CLDN10: variants seen among roughly 807,000 people sequenced by gnomAD.
CLDN10 encodes claudin-10.
Under a neutral mutation model 22.9 loss-of-function variants are expected in CLDN10, and 15 were observed. That is an observed-to-expected ratio of 0.65 (90% CI 0.44 to 1.01). The LOEUF (loss-of-function observed/expected upper bound fraction) is 1.01. CLDN10 is among the 50% of genes least tolerant of loss of function. CLDN10 has a pLI of 0.00. For missense variants in CLDN10, 247 were observed against 287.8 expected (o/e 0.86, Z 1.03); for synonymous variants, 114 against 111.4 (o/e 1.02, Z -0.15).
chr13:95,511,442 A>G (rs1006099485), intron 1 of CLDN10, among the ~76,000 whole-genome samples: 26 of 152,208 alleles, frequency 1.7e-4, no homozygotes, highest in African/African-American at 6.3e-4. Context: ...TAACAGAACA[A>G]GTGTTGAGAA....
intron 1 of CLDN10, among the ~76,000 whole-genome samples, chr13:95,520,564 G>A (rs1401779584): frequency 6.6e-6 from 1 of 152,092 alleles, no homozygotes; most frequent in African/African-American, 2.4e-5. Flanking sequence ...TTAGAGATGG[G>A]ATTTCACCAT....
At chr13:95,565,157 C>G (rs1392286977) in intron 3 of CLDN10, among the ~76,000 whole-genome samples, 2 of 151,706 alleles carry the variant, frequency 1.3e-5, no homozygotes, top group Non-Finnish European at 2.9e-5. Flanking sequence ...CTGCAAGCTT[C>G]TAGTAATGGG....
At chr13:95,465,692 T>C (rs1256550610) in intron 1 of CLDN10, among the ~76,000 whole-genome samples, 3 of 152,220 alleles carry the variant, frequency 2.0e-5, no homozygotes, top group Admixed American at 6.5e-5. Context: ...CATGCTGGCA[T>C]TGTTTATGAT....
At chr13:95,441,095 G>T (rs1377099463) in intron 1 of CLDN10, among the ~76,000 whole-genome samples, 2 of 152,210 alleles carry the variant, frequency 1.3e-5, no homozygotes, top group East Asian at 1.9e-4. Context: ...CAACGAAGTT[G>T]TGTGGATTGA....
intron 1 of CLDN10, among the ~76,000 whole-genome samples, chr13:95,544,845 C>T (rs992070032): frequency 1.3e-5 from 2 of 151,756 alleles, no homozygotes; most frequent in African/African-American, 4.8e-5. Flanking sequence ...GGTGCGATCT[C>T]AGCTCACTGC....
intron 1 of CLDN10, among the ~76,000 whole-genome samples, chr13:95,462,278 A>G (rs1315301646): frequency 1.3e-5 from 2 of 152,204 alleles, no homozygotes; most frequent in African/African-American, 4.8e-5. Flanking sequence ...TTATGATTTT[A>G]CCTTTTTAAA....
In CLDN10 at chr13:95,471,440, C is replaced by CACACATATATATATATAT. The variant is rs746573300; in HGVS notation, c.214+37394_214+37395insCACATATATATATATATA. ...ATATACACACACACACACACACACA[C>CACACATATATATATATAT]ATATATATATATATTTTTTTTTTTT... On this transcript the variant is annotated intron_variant, in intron 1 of 4. Transcript: ENST00000376873. Among the ~76,000 whole-genome samples, 421 of 104,198 alleles carry CACACATATATATATATAT rather than the reference C, an allele frequency of 4.0e-3. 3 individuals are homozygous for CACACATATATATATATAT. The highest frequency in any genetic ancestry group is 0.019 in the Middle Eastern group (3 of 162). 68.4% of individuals were successfully genotyped at this position (104,198 alleles called of 152,430 possible). A position where few individuals can be genotyped will look rare whatever the true frequency, so the allele number is the denominator to read the frequency against.
At chr13:95,468,899 T>C (rs1328731116) in intron 1 of CLDN10, among the ~76,000 whole-genome samples, 1 of 152,202 alleles carries the variant, frequency 6.6e-6, no homozygotes, top group Non-Finnish European at 1.5e-5. Flanking sequence ...TAGAAGGTTT[T>C]TATTTAACTT....
intron 3 of CLDN10, among the ~76,000 whole-genome samples, chr13:95,565,129 T>TA (rs2043767507): frequency 2.2e-5 from 3 of 133,656 alleles, no homozygotes; most frequent in East Asian, 4.5e-4. Flanking sequence ...CTAACAAATC[T>TA]GAAAAAAAAA....
rs536496035 is a variant in CLDN10, at chr13:95,489,634, T to C, written c.214+55587T>C. Among the ~76,000 whole-genome samples, 233 of 152,288 alleles carry C rather than the reference T, an allele frequency of 1.5e-3. 1 individual carries two copies. The highest frequency in any genetic ancestry group is 1.6e-3 in the Non-Finnish European group (110 of 68,016). ...GGATATTAGTCCTTTGTCAGATGTA[T>C]AGATTGTGAACATTTTCTCCCACTC... is the stretch of plus-strand genomic sequence containing the variant. On this transcript the variant is annotated intron_variant, in intron 1 of 4. Transcript: ENST00000376873.
intron 1 of CLDN10, among the ~76,000 whole-genome samples, chr13:95,501,723 A>T (rs1045676594): frequency 2.0e-5 from 3 of 152,240 alleles, no homozygotes; most frequent in East Asian, 1.9e-4. Flanking sequence ...TTTATCTTTT[A>T]AAAAAATCTA....
intron 1 of CLDN10, among the ~76,000 whole-genome samples, chr13:95,545,491 C>A (rs1463568339): frequency 6.6e-6 from 1 of 152,044 alleles, no homozygotes; most frequent in African/African-American, 2.4e-5. Context: ...GAGCCGAGAT[C>A]GCGCCTTTGC....
chr13:95,451,834 G>C (rs1046734511), intron 1 of CLDN10, among the ~76,000 whole-genome samples: 6 of 152,178 alleles, frequency 3.9e-5, no homozygotes, highest in African/African-American at 1.4e-4. Flanking sequence ...ACAGGGCATG[G>C]AGACTTTCCA....
At position 95,578,588 on chromosome 13, in the gene CLDN10, A is replaced by G. The variant is rs527815368; in HGVS notation, c.*574A>G. The G allele has an allele frequency of 1.6e-4, 25 of 152,404 alleles. No homozygotes were observed. The highest frequency in any genetic ancestry group is 5.8e-4 in the African/African-American group (24 of 41,582). The allele number at this position is 152,404 out of a possible 1,614,324, so 9.4% of individuals were successfully genotyped here. A position where few individuals can be genotyped will look rare whatever the true frequency, so the allele number is the denominator to read the frequency against. On this transcript the variant is annotated 3_prime_UTR_variant, in exon 5 of 5. Coordinates refer to ENST00000299339, the MANE Select transcript of CLDN10 (RefSeq NM_006984.5). Reference sequence around the variant, plus strand: ...TTATCTGGTAGAACTTAACTTCTACAGGATCAGAGAGGATCTTGCTCATTC... The same window carrying G: ...TTATCTGGTAGAACTTAACTTCTACGGGATCAGAGAGGATCTTGCTCATTC...
chr13:95,482,308 G>A (rs143198815), intron 1 of CLDN10, among the ~76,000 whole-genome samples: 84 of 152,240 alleles, frequency 5.5e-4, no homozygotes, highest in South Asian at 3.9e-3. Flanking sequence ...GTCTGGATGG[G>A]GAGGTTAGAT....
chr13:95,451,357 T>C lies in CLDN10; in HGVS notation c.214+17310T>C, dbSNP rs1566649564. ...CCTTCAAACTCCACCTCCAATGCCA[T>C]TTGTTATTCAAAGCCTTTTTAATCT... On this transcript the variant is annotated intron_variant, in intron 1 of 4. Transcript: ENST00000376873. 3.9e-5 allele frequency among the ~76,000 whole-genome samples: 6 copies of C among 152,240 alleles called. No homozygotes were observed. In the South Asian group the frequency reaches 1.2e-3, roughly 31 times the overall value.
chr13:95,511,893 C>T (rs9561885), intron 1 of CLDN10, among the ~76,000 whole-genome samples: 43,328 of 131,106 alleles, frequency 0.33, 10,148 homozygotes, highest in Non-Finnish European at 0.43. Context: ...TACATGTGCA[C>T]AATGTGCAGG....
intron 1 of CLDN10, among the ~76,000 whole-genome samples, chr13:95,444,150 G>A (rs576066662): frequency 2.6e-5 from 4 of 152,246 alleles, no homozygotes; most frequent in East Asian, 3.9e-4. Flanking sequence ...CTTTCCTCGC[G>A]CCTCACAGAC....
At chr13:95,548,900 T>A (rs758027661), upstream of CLDN10, among the ~76,000 whole-genome samples, 7 of 152,230 alleles carry the variant, frequency 4.6e-5, no homozygotes, top group Non-Finnish European at 7.3e-5. Flanking sequence ...CACACCTGCG[T>A]TGCTTGGTAG....
Sources: gnomAD v4.1 joint callset for allele counts (sites outside exome capture counted in the v4.1 genomes callset) on GRCh38, gnomAD v4.1.1 for gene constraint, MANE v1.5 for transcripts, NCBI Gene and HGNC (gene_info 2026-07-23, HGNC 2026-07-21) for gene names.